Variants in EIPR1 observed in about 807,000 individuals in gnomAD.
EIPR1 encodes EARP complex and GARP complex interacting protein 1, also known as EARP and GARP complex-interacting protein 1.
A neutral mutation model predicts 48.1 loss-of-function variants in EIPR1; 25 were observed. The ratio of observed to expected loss-of-function variants is 0.52; its 90% CI spans 0.38 to 0.73. The LOEUF is 0.73. Among genes scored for constraint, EIPR1 ranks in the 30% least tolerant of loss-of-function variants. The pLI, the probability that EIPR1 is intolerant of heterozygous loss-of-function variation, is 0.00. For missense variants in EIPR1, 415 were observed against 506.2 expected (o/e 0.82, Z 1.73); for synonymous variants, 204 against 201.9 (o/e 1.01, Z -0.09).
intron 3 of EIPR1, among the ~76,000 whole-genome samples, chr2:3,331,027 GAGGC>G (rs941818595): frequency 6.9e-5 from 9 of 131,176 alleles, no homozygotes; most frequent in Non-Finnish European, 1.1e-4. Context: ...GGTGTGAGCA[GAGGC>G]AGGCATGTGT....
chr2:3,263,480 T>G (rs6756734), intron 3 of EIPR1, among the ~76,000 whole-genome samples: 9 of 152,188 alleles, frequency 5.9e-5, no homozygotes, highest in South Asian at 2.1e-4. Flanking sequence ...AGACCACCCC[T>G]CAACGGCCCC....
intron 3 of EIPR1, among the ~76,000 whole-genome samples, chr2:3,308,054 A>C (rs753253936): frequency 1.9e-4 from 29 of 152,202 alleles, no homozygotes; most frequent in Admixed American, 3.3e-4. Context: ...CAGGAAGAAC[A>C]TTCCAGCGCT....
intron 6 of EIPR1, among the ~76,000 whole-genome samples, chr2:3,195,429 T>C (rs1664772742): frequency 6.6e-6 from 1 of 152,242 alleles, no homozygotes; most frequent in African/African-American, 2.4e-5. Flanking sequence ...CTCTCCAAAG[T>C]AGAGGAACTC....
At chr2:3,350,584 T>G (rs1032834757) in intron 2 of EIPR1, among the ~76,000 whole-genome samples, 2 of 152,224 alleles carry the variant, frequency 1.3e-5, no homozygotes, top group Non-Finnish European at 2.9e-5. Context: ...TGTTCAGGTT[T>G]TGTGTACCCA....
chr2:3,228,867 G>T (rs1488278014), intron 4 of EIPR1, among the ~76,000 whole-genome samples: 1 of 152,310 alleles, frequency 6.6e-6, no homozygotes, highest in East Asian at 1.9e-4. Flanking sequence ...GTTCCACCAT[G>T]ATTGTAAGTT....
chr2:3,232,136 G>A (rs1253125998), intron 4 of EIPR1, among the ~76,000 whole-genome samples: 1 of 152,004 alleles, frequency 6.6e-6, no homozygotes, highest in Non-Finnish European at 1.5e-5. Context: ...AGTCTCTTAT[G>A]ATCCTTTGTA....
At chr2:3,323,479 C>T (rs1669597213) in intron 3 of EIPR1, among the ~76,000 whole-genome samples, 1 of 152,178 alleles carries the variant, frequency 6.6e-6, no homozygotes, top group Non-Finnish European at 1.5e-5. Flanking sequence ...TTCCTCCGAG[C>T]CCTGCACGCG....
intron 3 of EIPR1, among the ~76,000 whole-genome samples, chr2:3,315,174 C>A (rs111902395): frequency 5.6e-4 from 1 of 1,790 alleles, no homozygotes; most frequent in African/African-American, 9.8e-4. Flanking sequence ...CATCACCACC[C>A]CCTACCACCA....
At chr2:3,224,686 T>A (rs1666002876) in intron 4 of EIPR1, among the ~76,000 whole-genome samples, 1 of 152,258 alleles carries the variant, frequency 6.6e-6, no homozygotes, top group East Asian at 1.9e-4. Context: ...ACGCAGTCCT[T>A]CAACATCCCA....
intron 3 of EIPR1, among the ~76,000 whole-genome samples, chr2:3,327,670 A>C (rs1024528366): frequency 1.3e-5 from 2 of 152,174 alleles, no homozygotes; most frequent in Non-Finnish European, 2.9e-5. Flanking sequence ...CAAATATGAT[A>C]GAAGATAATC....
chr2:3,205,384 C>T (rs1341566601), intron 5 of EIPR1, among the ~76,000 whole-genome samples: 1 of 152,212 alleles, frequency 6.6e-6, no homozygotes, highest in Non-Finnish European at 1.5e-5. Context: ...TTTCTCTGCA[C>T]TGGAACCGTG....
chr2:3,198,161 T>G (rs1246139783), intron 5 of EIPR1, among the ~76,000 whole-genome samples: 1 of 152,058 alleles, frequency 6.6e-6, no homozygotes, highest in Non-Finnish European at 1.5e-5. Flanking sequence ...CAGTGAGAAA[T>G]AGGGCACCGT....
chr2:3,342,700 C>A (rs1670287936), intron 2 of EIPR1, among the ~76,000 whole-genome samples: 1 of 152,254 alleles, frequency 6.6e-6, no homozygotes, highest in African/African-American at 2.4e-5. Flanking sequence ...TTCACCTCTT[C>A]CAGCCAGCGA....
chr2:3,316,335 G>A (rs1343091299), intron 3 of EIPR1, among the ~76,000 whole-genome samples: 2 of 152,058 alleles, frequency 1.3e-5, no homozygotes, highest in Non-Finnish European at 2.9e-5. Context: ...CTGCCCAGAG[G>A]AACAATCTCC....
intron 3 of EIPR1, among the ~76,000 whole-genome samples, chr2:3,298,043 A>G (rs1411982377): frequency 1.3e-5 from 2 of 152,254 alleles, no homozygotes; most frequent in African/African-American, 4.8e-5. Flanking sequence ...CCTATGGGTC[A>G]GAGAGGGGGT....
chr2:3,369,282 G>A (rs1036389443), intron 1 of EIPR1, among the ~76,000 whole-genome samples: 8 of 152,188 alleles, frequency 5.3e-5, no homozygotes, highest in African/African-American at 1.4e-4. Flanking sequence ...GAACAGCTCC[G>A]GTCTAGAGCT....
intron 1 of EIPR1, among the ~76,000 whole-genome samples, chr2:3,370,714 G>A (rs139227509): frequency 1.3e-5 from 2 of 151,858 alleles, no homozygotes; most frequent in Non-Finnish European, 2.9e-5. Context: ...AATGAACAAA[G>A]CCTCCAAGAA....
intron 3 of EIPR1, among the ~76,000 whole-genome samples, chr2:3,336,565 C>T (rs999935945): frequency 6.6e-6 from 1 of 152,062 alleles, no homozygotes; most frequent in East Asian, 1.9e-4. Flanking sequence ...GTCAAAAGTT[C>T]GAGACCAGCC....
intron 2 of EIPR1, among the ~76,000 whole-genome samples, chr2:3,350,134 A>C (rs925415388): frequency 2.6e-5 from 4 of 151,188 alleles, no homozygotes; most frequent in Non-Finnish European, 4.4e-5. Context: ...AAAAAAAAAA[A>C]AAAAAAAAAA....
Sources: allele counts gnomAD v4.1 joint callset (sites outside exome capture counted in the v4.1 genomes callset), GRCh38; gene constraint gnomAD v4.1.1; transcripts MANE v1.5; gene names NCBI Gene and HGNC (gene_info 2026-07-23, HGNC 2026-07-21).